Variants in VPS13D observed in about 807,000 individuals in gnomAD.
VPS13D encodes intermembrane lipid transfer protein VPS13D.
A neutral mutation model predicts 461.9 loss-of-function variants in VPS13D; 187 were observed. The observed-to-expected ratio is 0.40, with a 90% CI of 0.36 to 0.46. The LOEUF (loss-of-function observed/expected upper bound fraction) is 0.46. Ranked by LOEUF, VPS13D falls within the 20% of genes least tolerant of loss-of-function variation. The pLI is 0.60. For missense variants in VPS13D, 4,711 were observed against 5,364.9 expected, an observed-to-expected ratio of 0.88 and a Z score of 3.81; for synonymous variants, 1,951 against 1,986.3, an observed-to-expected ratio of 0.98 and a Z score of 0.47.
chr1:12,422,655 A>G (rs1364265064), intron 65 of VPS13D, among the ~76,000 whole-genome samples: 1 of 152,188 alleles, frequency 6.6e-6, no homozygotes, highest in African/African-American at 2.4e-5. Flanking sequence ...ATACATACTA[A>G]TGTATAAACA....
chr1:12,462,073 A>G (rs138371673), intron 67 of VPS13D, among the ~76,000 whole-genome samples: 131 of 152,320 alleles, frequency 8.6e-4, no homozygotes, highest in Admixed American at 2.1e-3. Flanking sequence ...AAAATTTCCT[A>G]TGAACTCAGG....
intron 65 of VPS13D, among the ~76,000 whole-genome samples, chr1:12,420,517 C>T (rs932772708): frequency 5.9e-5 from 9 of 152,166 alleles, no homozygotes; most frequent in African/African-American, 2.2e-4. Context: ...GTTGAATGGG[C>T]TTTGAGTGTA....
chr1:12,477,085 G>C (rs771803108), intron 67 of VPS13D, among the ~76,000 whole-genome samples: 6 of 152,216 alleles, frequency 3.9e-5, no homozygotes, highest in Non-Finnish European at 8.8e-5. Context: ...GTAGTTGCTA[G>C]TATGGGATTT....
chr1:12,293,781 C>A, intron 24 of VPS13D, 77 bp downstream of exon 24: 1 of 1,427,392 alleles, frequency 7.0e-7, no homozygotes, highest in Admixed American at 2.3e-5. Flanking sequence ...AGAGATGAAT[C>A]TGGAAGAGTA....
chr1:12,395,517 C>G (rs1170559368), intron 60 of VPS13D, among the ~76,000 whole-genome samples: 1 of 152,180 alleles, frequency 6.6e-6, no homozygotes, highest in Admixed American at 6.5e-5. Flanking sequence ...TCTTTCTCTG[C>G]AGGAGATAAG....
chr1:12,449,133 A>AG (rs916179394), intron 65 of VPS13D, among the ~76,000 whole-genome samples: 1 of 152,024 alleles, frequency 6.6e-6, no homozygotes, highest in African/African-American at 2.4e-5. Context: ...TCCAGAGACC[A>AG]GGAAAAAAAA....
chr1:12,488,213 C>A (rs977770566), intron 67 of VPS13D, among the ~76,000 whole-genome samples: 1 of 152,172 alleles, frequency 6.6e-6, no homozygotes, highest in East Asian at 1.9e-4. Flanking sequence ...GGACTTGACA[C>A]CCAATAATTC....
At chr1:12,255,289 T>C (rs542626413) in intron 7 of VPS13D, among the ~76,000 whole-genome samples, 31 of 152,278 alleles carry the variant, frequency 2.0e-4, no homozygotes, top group African/African-American at 6.5e-4. Flanking sequence ...ATCCATACAG[T>C]AAAACAATAT....
At chr1:12,379,926 G>A (rs1459118636) in intron 57 of VPS13D, among the ~76,000 whole-genome samples, 7 of 151,952 alleles carry the variant, frequency 4.6e-5, no homozygotes, top group East Asian at 1.9e-4. Flanking sequence ...CCGCCACCAC[G>A]CCCGGCTAAT....
intron 40 of VPS13D, among the ~76,000 whole-genome samples, chr1:12,339,673 G>A (rs901060355): frequency 1.3e-5 from 2 of 152,208 alleles, no homozygotes; most frequent in African/African-American, 4.8e-5. Context: ...TGGTGCAGAA[G>A]ATGTCAGATT....
rs926029801 is a variant in VPS13D, at chr1:12,510,221, C to G, written c.*1197C>G. The G allele has an allele frequency of 6.6e-6, 1 of 152,166 alleles. No individual in the cohort carries two copies. The highest frequency in any genetic ancestry group is 2.4e-5 in the African/African-American group (1 of 41,430). The allele number at this position is 152,166 out of a possible 1,614,324, so 9.4% of individuals were successfully genotyped here. A position where few individuals can be genotyped will look rare whatever the true frequency, so the allele number is the denominator to read the frequency against. On this transcript the variant is annotated 3_prime_UTR_variant, in exon 70 of 70. Coordinates refer to ENST00000620676, the MANE Select transcript of VPS13D (RefSeq NM_015378.4). ...TGCTGGGAGCAAGGCCTGGTATGAG[C>G]GCCCTGGGTCTTGTTTTTGGTGTTT...
At chr1:12,466,006 G>A (rs112491807) in intron 67 of VPS13D, among the ~76,000 whole-genome samples, 1,798 of 152,074 alleles carry the variant, frequency 0.012, 40 homozygotes, top group African/African-American at 0.04. Context: ...GTGGTGGTGC[G>A]CGCCTGTACT....
intron 39 of VPS13D, chr1:12,337,988 GAAAA>G (rs76484186): frequency 2.2e-4 from 66 of 297,430 alleles, no homozygotes; most frequent in East Asian, 3.3e-4. Context: ...TCTAATTCAG[GAAAA>G]AAAAAAAAAA....
intron 44 of VPS13D, among the ~76,000 whole-genome samples, 161 bp downstream of exon 44, chr1:12,346,813 A>C (rs1195226647): frequency 1.3e-5 from 2 of 152,214 alleles, no homozygotes; most frequent in African/African-American, 4.8e-5. Context: ...TCCTTTTCCA[A>C]AAACTTGCAA....
chr1:12,441,324 G>C (rs762836965), intron 65 of VPS13D, among the ~76,000 whole-genome samples: 3 of 152,124 alleles, frequency 2.0e-5, no homozygotes, highest in African/African-American at 7.2e-5. Flanking sequence ...TATTGCACTC[G>C]AACTGTGTTT....
At chr1:12,243,012 G>C (rs1404182152) in intron 3 of VPS13D, among the ~76,000 whole-genome samples, 1 of 150,862 alleles carries the variant, frequency 6.6e-6, no homozygotes, top group Non-Finnish European at 1.5e-5. Flanking sequence ...GAGTGCCGTG[G>C]TGCGATCTCG....
chr1:12,302,602 CT>C (rs1642455014), intron 25 of VPS13D, among the ~76,000 whole-genome samples: 1 of 152,280 alleles, frequency 6.6e-6, no homozygotes, highest in Admixed American at 6.5e-5. Context: ...ACAAGGAGCG[CT>C]TTTTCTTCAA....
At chr1:12,373,988 G>C in intron 55 of VPS13D, 130 bp downstream of exon 55, 1 of 564,838 alleles carries the variant, frequency 1.8e-6, no homozygotes, top group Non-Finnish European at 2.9e-6. Context: ...AGGCCTCTTG[G>C]CATTTCCAGG....
chr1:12,439,692 A>C (rs747118801), intron 65 of VPS13D, among the ~76,000 whole-genome samples: 31 of 152,306 alleles, frequency 2.0e-4, no homozygotes, highest in Middle Eastern at 3.4e-3. Context: ...CCCAGCCCTT[A>C]GAACAGTGCC....
Sources: allele counts gnomAD v4.1 joint callset (sites outside exome capture counted in the v4.1 genomes callset), GRCh38; gene constraint gnomAD v4.1.1; transcripts MANE v1.5; gene names NCBI Gene and HGNC (gene_info 2026-07-23, HGNC 2026-07-21).